The following PCDHGA10 variants were observed in gnomAD, a reference collection of about 807,000 sequenced individuals.
PCDHGA10 encodes protocadherin gamma subfamily A, 10, also known as protocadherin gamma-A10.
In PCDHGA10, 42 loss-of-function variants were observed where a neutral mutation model predicts 59.5. The ratio of observed to expected loss-of-function variants is 0.71; its 90% CI spans 0.55 to 0.91. PCDHGA10 has a LOEUF of 0.91. Among genes scored for constraint, PCDHGA10 ranks in the 40% least tolerant of loss-of-function variants. The pLI, the probability that PCDHGA10 is intolerant of heterozygous loss-of-function variation, is 0.00. For synonymous variants in PCDHGA10, 511 were observed against 517.2 expected (o/e 0.99, Z 0.16); for missense variants, 1,111 against 1,198.2 (o/e 0.93, Z 1.07).
Position 141,413,494 on chromosome 5 carries a change from G to T in PCDHGA10, c.319G>T (p.Val107Leu), listed in dbSNP as rs778441176. The change falls in exon 1 of 4, where the codon GTG becomes TTG. Residue 107 changes from valine (V) to leucine (L), a missense_variant. Val to Leu is a conservative substitution (Grantham distance 32). Transcript: ENST00000398610. ...GCTCTGCGCTCAGAGCGCGCGGTGCGTGGTGAGTTTTAATATCCTTGTGGA... is the reference window on the plus strand; with the variant it reads ...GCTCTGCGCTCAGAGCGCGCGGTGCTTGGTGAGTTTTAATATCCTTGTGGA... The part of the protein sequence containing the change: ...EELCAQSARC[V>L]VSFNILVEDR... The T allele has an allele frequency of 5.0e-6, 8 of 1,614,042 alleles. No individual in the cohort carries two copies. The East Asian group carries it at 1.3e-4, about 27-fold the overall frequency.
In PCDHGA10 at chr5:141,511,032, G is replaced by C. The variant is rs779589499; in HGVS notation, c.2670G>C (p.Gln890His). Residue 890 changes from glutamine to histidine, a missense_variant, in exon 4 of 4, where the codon CAG (glutamine) becomes CAC (histidine). Gln to His is a conservative substitution (Grantham distance 24). Coordinates refer to ENST00000398610, the MANE Select transcript of PCDHGA10 (RefSeq NM_018913.3). ...SARYGPQFTL[Q>H]HVPDYRQNVY... ...GCTACGGACCCCAGTTCACCCTGCA[G>C]CACGTGCCCGACTACCGCCAGAATG... 6.2e-7 allele frequency: 1 copy of C among 1,614,228 alleles called. No individual in the cohort carries two copies. The highest frequency in any genetic ancestry group is 8.5e-7 in the Non-Finnish European group (1 of 1,180,036).
intron 2 of PCDHGA10, among the ~76,000 whole-genome samples, chr5:141,503,595 G>T (rs6892628): frequency 0.52 from 72,995 of 139,870 alleles, 19,322 homozygotes; most frequent in African/African-American, 0.64. Flanking sequence ...CGAGACTCCA[G>T]CTCAAAAAAA....
Position 141,487,247 on chromosome 5 carries a change from T to C in PCDHGA10, c.2437-7560T>C. Reference sequence around the variant, plus strand: ...GGAAGGAGAATCTCGTCTAACCCTCTACTTGGCTGTGTCCCTAGTGGCAAT... The same window carrying C: ...GGAAGGAGAATCTCGTCTAACCCTCCACTTGGCTGTGTCCCTAGTGGCAAT... On this transcript the variant is annotated intron_variant, in intron 1 of 3. Transcript: ENST00000398610. This position sits in a 1 kb window ranked among gnomAD's most constrained non-coding sequence, Gnocchi z 5.0. 1 of 1,614,174 alleles carries C rather than the reference T, an allele frequency of 6.2e-7. No individual in the cohort carries two copies. The highest frequency in any genetic ancestry group is 1.3e-5 in the African/African-American group (1 of 75,048).
chr5:141,419,304 G>T, intron 1 of PCDHGA10: 1 of 1,613,994 alleles, frequency 6.2e-7, no homozygotes, highest in Non-Finnish European at 8.5e-7. Context: ...CCAGACTTCG[G>T]GCTCAACGGC....
intron 1 of PCDHGA10, among the ~76,000 whole-genome samples, chr5:141,455,902 TA>T (rs2098836291): frequency 6.7e-6 from 1 of 149,860 alleles, no homozygotes. Context: ...TTTATTTATT[TA>T]TTTATTTATT....
At chr5:141,419,991 T>C (rs1192003266) in intron 1 of PCDHGA10, 1 of 1,614,078 alleles carries the variant, frequency 6.2e-7, no homozygotes. Context: ...ATTCTAGCTA[T>C]TGCTCTACGC....
chr5:141,419,505 G>A lies in PCDHGA10; in HGVS notation c.2436+3894G>A, dbSNP rs115850576. The A allele has an allele frequency of 8.4e-4, 1,351 of 1,612,324 alleles. 13 individuals are homozygous for A. In the African/African-American group the frequency reaches 0.015, roughly 18 times the overall value. The stretch of plus-strand genomic sequence containing the variant: ...GCGCTCAGCGCCAATGTGAGCCTGC[G>A]CGTGTTGGTGGGCGACCGTAACGAC... On this transcript the variant is annotated intron_variant, in intron 1 of 3. Transcript: ENST00000398610.
rs779194230 is a variant in PCDHGA10, at chr5:141,415,147, C to T, written c.1972C>T (p.Leu658Phe). 1.1e-5 allele frequency: 17 copies of T among 1,613,668 alleles called. No individual in the cohort carries two copies. The highest frequency in any genetic ancestry group is 1.3e-5 in the African/African-American group (1 of 74,952). ...VAVQDHGQPP[L>F]SATVTLTVAV... ...CGTCCAGGACCACGGCCAGCCCCCTCTCTCCGCCACTGTCACGCTCACCGT... is the reference window on the plus strand; with the variant it reads ...CGTCCAGGACCACGGCCAGCCCCCTTTCTCCGCCACTGTCACGCTCACCGT... The change falls in exon 1 of 4, where the codon CTC becomes TTC. Residue 658 changes from leucine (L) to phenylalanine (F), a missense_variant. Leu to Phe is a conservative substitution (Grantham distance 22). Transcript: ENST00000398610.
At chr5:141,459,156 T>C (rs920698328) in intron 1 of PCDHGA10, among the ~76,000 whole-genome samples, 1 of 152,188 alleles carries the variant, frequency 6.6e-6, no homozygotes, top group Non-Finnish European at 1.5e-5. Flanking sequence ...ATATAGAACA[T>C]TTCTATAACC....
rs768907590 is a variant in PCDHGA10, at chr5:141,422,045, G to C, written c.2436+6434G>C. Reference sequence around the variant, plus strand: ...GTTAATGCAACGGATCCAGACGAGGGAATCAACGGGGAAGTAATGTATTCA... The same window carrying C: ...GTTAATGCAACGGATCCAGACGAGGCAATCAACGGGGAAGTAATGTATTCA... On this transcript the variant is annotated intron_variant, in intron 1 of 3. Transcript: ENST00000398610. 1.5e-5 allele frequency: 24 copies of C among 1,611,434 alleles called. No individual in the cohort carries two copies. The Admixed American group carries it at 3.9e-4, about 26-fold the overall frequency.
intron 1 of PCDHGA10, among the ~76,000 whole-genome samples, chr5:141,448,196 A>G (rs753761675): frequency 1.3e-5 from 2 of 152,176 alleles, no homozygotes; most frequent in Non-Finnish European, 2.9e-5. Context: ...TACACTTACA[A>G]ACATTTTCTG....
intron 1 of PCDHGA10, chr5:141,427,440 G>C (rs747459662): frequency 4.2e-6 from 2 of 477,366 alleles, no homozygotes; most frequent in African/African-American, 2.0e-5. Flanking sequence ...CCTCATAAAC[G>C]AAAGAGTTCC....
intron 1 of PCDHGA10, among the ~76,000 whole-genome samples, chr5:141,460,344 A>G (rs930557610): frequency 7.2e-5 from 11 of 152,060 alleles, no homozygotes; most frequent in African/African-American, 2.2e-4. Context: ...ATTTTCTCCT[A>G]TATTTTCTTT....
At chr5:141,462,019 C>T (rs1276421563) in intron 1 of PCDHGA10, among the ~76,000 whole-genome samples, 6 of 152,178 alleles carry the variant, frequency 3.9e-5, no homozygotes, top group Non-Finnish European at 8.8e-5. Flanking sequence ...GACGGGGTTT[C>T]TTCATGTTGG....
Position 141,419,064 on chromosome 5 carries a change from A to G in PCDHGA10, c.2436+3453A>G, listed in dbSNP as rs149057484. ...ATTCATTCTTCTTCTAATAATTACT[A>G]CAAGCTAGTAACAGATGAGGCCCTG... On this transcript the variant is annotated intron_variant, in intron 1 of 3. Transcript: ENST00000398610. 51 of 1,613,962 alleles carry G rather than the reference A, an allele frequency of 3.2e-5. No homozygotes were observed. In the African/African-American group the frequency reaches 5.9e-4, roughly 19 times the overall value.
Position 141,485,465 on chromosome 5 carries a change from C to T in PCDHGA10, c.2437-9342C>T. ...AATCGACCGAGAGGCACTGTGTGGG[C>T]TCAGTGCCAGCTGCATCGTGCCCCT... On this transcript the variant is annotated intron_variant, in intron 1 of 3. Coordinates refer to ENST00000398610, the MANE Select transcript of PCDHGA10 (RefSeq NM_018913.3). This position sits in a 1 kb window ranked among gnomAD's most constrained non-coding sequence, Gnocchi z 5.7. 6.2e-7 allele frequency: 1 copy of T among 1,614,162 alleles called. No homozygotes were observed.
intron 1 of PCDHGA10, among the ~76,000 whole-genome samples, chr5:141,447,375 T>C (rs1431576261): frequency 6.6e-6 from 1 of 152,030 alleles, no homozygotes; most frequent in African/African-American, 2.4e-5. Context: ...CTGACCCTGG[T>C]GATCTGCCCA....
At position 141,490,979 on chromosome 5, in the gene PCDHGA10, C is replaced by T. The variant is rs1217345302; in HGVS notation, c.2437-3828C>T. 6.2e-7 allele frequency: 1 copy of T among 1,614,086 alleles called. No individual in the cohort carries two copies. The highest frequency in any genetic ancestry group is 8.5e-7 in the Non-Finnish European group (1 of 1,180,014). ...GAACACTCAGCCCCCCAGCGTCTCC[C>T]TCGCTCTGCTCCTCCTGGCTCCTTG... On this transcript the variant is annotated intron_variant, in intron 1 of 3. Transcript: ENST00000398610. This position sits in a 1 kb window ranked among gnomAD's most constrained non-coding sequence, Gnocchi z 5.4.
chr5:141,500,498 C>T (rs1487770160), intron 2 of PCDHGA10, among the ~76,000 whole-genome samples: 5 of 152,120 alleles, frequency 3.3e-5, no homozygotes, highest in African/African-American at 7.2e-5. Context: ...CGTGAGCCAC[C>T]GCGCCTGGCC....
Sources: gnomAD v4.1 joint callset for allele counts (sites outside exome capture counted in the v4.1 genomes callset) on GRCh38, gnomAD v4.1.1 for gene constraint, Gnocchi (gnomAD v3.1) non-coding constraint, MANE v1.5 for transcripts, NCBI Gene and HGNC (gene_info 2026-07-23, HGNC 2026-07-21) for gene names.